The following PPP1R9A variants were observed in gnomAD, a reference collection of about 807,000 sequenced individuals.
The protein encoded by PPP1R9A is protein phosphatase 1 regulatory subunit 9A.
In PPP1R9A, 59 loss-of-function variants were observed where a neutral mutation model predicts 141.9. That is an observed-to-expected ratio of 0.42 (90% CI 0.34 to 0.52). PPP1R9A has a LOEUF of 0.52. PPP1R9A is among the 20% of genes least tolerant of loss of function. PPP1R9A has a pLI of 0.10. For missense variants in PPP1R9A, 1,444 were observed against 1,611.9 expected (o/e 0.90, Z 1.78); for synonymous variants, 500 against 569.7 (o/e 0.88, Z 1.74).
intron 7 of PPP1R9A, among the ~76,000 whole-genome samples, chr7:95,215,792 A>G (rs1384358546): frequency 2.0e-5 from 3 of 152,246 alleles, no homozygotes; most frequent in Non-Finnish European, 1.5e-5. Context: ...GTATGTTCAT[A>G]TCCTTCGCCC....
intron 4 of PPP1R9A, among the ~76,000 whole-genome samples, chr7:95,135,854 C>CTTTTTTTTTTTTTTTTTTTTTTT (rs58872136): frequency 2.7e-5 from 2 of 73,076 alleles, no homozygotes; most frequent in Non-Finnish European, 4.9e-5. Context: ...TTCAGCTTTA[C>CTTTTTTTTTTTTTTTTTTTTTTT]TTTTTTTTTT....
chr7:94,973,356 G>A (rs936193260), intron 2 of PPP1R9A, among the ~76,000 whole-genome samples: 4 of 152,096 alleles, frequency 2.6e-5, no homozygotes, highest in Non-Finnish European at 5.9e-5. Flanking sequence ...AGAATGATAG[G>A]CTAAAAAAAT....
chr7:95,062,479 T>G (rs1480213136), intron 2 of PPP1R9A, among the ~76,000 whole-genome samples: 1 of 150,828 alleles, frequency 6.6e-6, no homozygotes, highest in African/African-American at 2.4e-5. Flanking sequence ...AGTACAGTGG[T>G]GCAGTCTCAG....
chr7:94,934,368 C>T (rs1474591712), intron 2 of PPP1R9A, among the ~76,000 whole-genome samples: 1 of 152,140 alleles, frequency 6.6e-6, no homozygotes, highest in Non-Finnish European at 1.5e-5. Context: ...TCCTTTGTTT[C>T]ATCTCCTTTA....
At chr7:94,944,937 C>T (rs892579780) in intron 2 of PPP1R9A, among the ~76,000 whole-genome samples, 6 of 151,838 alleles carry the variant, frequency 4.0e-5, no homozygotes, top group Admixed American at 1.3e-4. Flanking sequence ...GAGGGGATGA[C>T]GTATAATGTC....
At chr7:94,944,507 C>T (rs150438691) in intron 2 of PPP1R9A, among the ~76,000 whole-genome samples, 3 of 130,276 alleles carry the variant, frequency 2.3e-5, no homozygotes, top group East Asian at 2.6e-4. Flanking sequence ...AGTGAGTCAT[C>T]GTTCTTTAGA....
chr7:95,277,401 A>G (rs1402652326), intron 16 of PPP1R9A, among the ~76,000 whole-genome samples: 1 of 152,178 alleles, frequency 6.6e-6, no homozygotes, highest in Non-Finnish European at 1.5e-5. Flanking sequence ...CCCTTTTCAA[A>G]TATGTGCTCA....
At chr7:95,042,656 A>G (rs1189755517) in intron 2 of PPP1R9A, among the ~76,000 whole-genome samples, 3 of 152,170 alleles carry the variant, frequency 2.0e-5, no homozygotes, top group Non-Finnish European at 2.9e-5. Context: ...TCACAGGTGT[A>G]TATTAATGAG....
At chr7:95,094,879 C>CAAAAAAAAAAAAA (rs1166550834) in intron 2 of PPP1R9A, among the ~76,000 whole-genome samples, 3 of 44,988 alleles carry the variant, frequency 6.7e-5, no homozygotes, top group Non-Finnish European at 8.5e-5. Context: ...GACTGCGTCT[C>CAAAAAAAAAAAAA]AAAAAAAAAA....
intron 2 of PPP1R9A, among the ~76,000 whole-genome samples, chr7:95,087,912 A>AG (rs1480603086): frequency 2.4e-4 from 34 of 140,894 alleles, no homozygotes; most frequent in South Asian, 6.6e-4. Flanking sequence ...AGAGAGAGAG[A>AG]AAAAAAAAAA....
At chr7:95,102,977 A>G (rs1445039625) in intron 2 of PPP1R9A, among the ~76,000 whole-genome samples, 1 of 152,208 alleles carries the variant, frequency 6.6e-6, no homozygotes, top group Non-Finnish European at 1.5e-5. Context: ...GGGCTAAAGC[A>G]GATTACCTTC....
At chr7:95,005,895 AT>A (rs1394674800) in intron 2 of PPP1R9A, among the ~76,000 whole-genome samples, 1 of 152,114 alleles carries the variant, frequency 6.6e-6, no homozygotes, top group Non-Finnish European at 1.5e-5. Flanking sequence ...ATAAATTATT[AT>A]TCTCTTCTAA....
intron 4 of PPP1R9A, among the ~76,000 whole-genome samples, chr7:95,149,856 C>A (rs1189140058): frequency 6.6e-6 from 1 of 151,218 alleles, no homozygotes; most frequent in Non-Finnish European, 1.5e-5. Context: ...CAAATTGATT[C>A]TAAAGTTTAT....
At chr7:95,249,987 T>C in intron 9 of PPP1R9A, 39 bp from the exon 10 acceptor site, 4 of 1,513,070 alleles carry the variant, frequency 2.6e-6, no homozygotes, top group Non-Finnish European at 3.5e-6. Flanking sequence ...GCCACAAAAG[T>C]GGCCAAATTA....
chr7:94,965,706 GT>G (rs1798129670), intron 2 of PPP1R9A, among the ~76,000 whole-genome samples: 1 of 151,984 alleles, frequency 6.6e-6, no homozygotes, highest in African/African-American at 2.4e-5. Context: ...GTACCATGCT[GT>G]TTTGGTTACT....
At chr7:95,067,413 A>G (rs893349001) in intron 2 of PPP1R9A, among the ~76,000 whole-genome samples, 4 of 152,230 alleles carry the variant, frequency 2.6e-5, no homozygotes, top group South Asian at 4.1e-4. Flanking sequence ...ATATTATCTG[A>G]GGCGATACAC....
At chr7:95,205,542 A>G (rs1790601629) in intron 7 of PPP1R9A, among the ~76,000 whole-genome samples, 1 of 152,218 alleles carries the variant, frequency 6.6e-6, no homozygotes, top group Non-Finnish European at 1.5e-5. Context: ...CTAAAATGCT[A>G]AAAGACATAG....
At chr7:95,086,558 A>G (rs1816655719) in intron 2 of PPP1R9A, among the ~76,000 whole-genome samples, 1 of 152,018 alleles carries the variant, frequency 6.6e-6, no homozygotes, top group African/African-American at 2.4e-5. Context: ...GAGTTTGTTG[A>G]TTACTAACTA....
chr7:95,276,231 G>A (rs1447079496), intron 16 of PPP1R9A, among the ~76,000 whole-genome samples: 1 of 152,148 alleles, frequency 6.6e-6, no homozygotes, highest in Non-Finnish European at 1.5e-5. Flanking sequence ...AGAGGGATGT[G>A]AGCACCTGCA....
Sources: gnomAD v4.1 joint callset for allele counts (sites outside exome capture counted in the v4.1 genomes callset) on GRCh38, gnomAD v4.1.1 for gene constraint, MANE v1.5 for transcripts, NCBI Gene and HGNC (gene_info 2026-07-23, HGNC 2026-07-21) for gene names.